Variants in RNF182 observed in about 807,000 individuals in gnomAD.
RNF182 encodes E3 ubiquitin-protein ligase RNF182.
A neutral mutation model predicts 14.4 loss-of-function variants in RNF182; 15 were observed. The ratio of observed to expected loss-of-function variants is 1.04; its 90% CI spans 0.70 to 1.60. The LOEUF (loss-of-function observed/expected upper bound fraction) is 1.60, where lower values mean the gene tolerates loss of function less well. Ranked by LOEUF, RNF182 falls within the 40% of genes most tolerant of loss-of-function variation. RNF182 has a pLI of 0.00. For synonymous variants in RNF182, 128 were observed against 122.9 expected (o/e 1.04, Z -0.27); for missense variants, 268 against 294.8 (o/e 0.91, Z 0.67).
chr6:13,954,614 T>C (rs1432817715), intron 1 of RNF182, among the ~76,000 whole-genome samples: 1 of 152,218 alleles, frequency 6.6e-6, no homozygotes, highest in African/African-American at 2.4e-5. Flanking sequence ...GTGTATTTTA[T>C]GTGTTGCTCA....
chr6:13,940,611 G>C (rs1281117867), intron 1 of RNF182, among the ~76,000 whole-genome samples: 1 of 151,500 alleles, frequency 6.6e-6, no homozygotes, highest in African/African-American at 2.4e-5. Flanking sequence ...ATTCATTTCT[G>C]TTCATAGTTT....
At chr6:13,949,909 A>G (rs946080552) in intron 1 of RNF182, among the ~76,000 whole-genome samples, 1 of 152,234 alleles carries the variant, frequency 6.6e-6, no homozygotes, top group Non-Finnish European at 1.5e-5. Flanking sequence ...AAAACTAAAC[A>G]ATACCCTCTT....
At position 13,925,021 on chromosome 6, in the gene RNF182, C is replaced by G. The variant is rs1758778573; in HGVS notation, c.-369C>G. On this transcript the variant is annotated splice_region_variant and 5_prime_UTR_variant, in exon 1 of 3. Coordinates refer to ENST00000488300, the MANE Select transcript of RNF182 (RefSeq NM_152737.4). ...TCCCGGGCCCTGGGCCGCCGCCGGCCAGGTAAGGCGATCGCGCCCGCGGCC... is the reference window on the plus strand; with the variant it reads ...TCCCGGGCCCTGGGCCGCCGCCGGCGAGGTAAGGCGATCGCGCCCGCGGCC... 1 of 150,346 alleles carries G rather than the reference C, an allele frequency of 6.7e-6. No individual in the cohort carries two copies. The highest frequency in any genetic ancestry group is 2.4e-5 in the African/African-American group (1 of 41,080). The allele number at this position is 150,346 out of a possible 1,614,324, so 9.3% of individuals were successfully genotyped here. A position where few individuals can be genotyped will look rare whatever the true frequency, so the allele number is the denominator to read the frequency against.
chr6:13,977,245 G>C lies in RNF182; in HGVS notation c.126G>C (p.Arg42Ser), dbSNP rs1760352706. 6.2e-7 allele frequency: 1 copy of C among 1,614,026 alleles called. No homozygotes were observed. The highest frequency in any genetic ancestry group is 1.7e-5 in the Admixed American group (1 of 60,002). ...RKPKVLECCH[R>S]VCAKCLYKII... ...CCAAAGTGCTGGAGTGTTGTCATAG[G>C]GTTTGTGCCAAATGCCTCTACAAGA... The change falls in exon 3 of 3, where the codon AGG becomes AGC. Residue 42 changes from arginine to serine, a missense_variant. Arg to Ser is a moderately radical substitution (Grantham distance 110, BLOSUM62 -1). Coordinates refer to ENST00000488300, the MANE Select transcript of RNF182 (RefSeq NM_152737.4).
chr6:13,950,811 T>C (rs933536462), intron 1 of RNF182, among the ~76,000 whole-genome samples: 10 of 151,858 alleles, frequency 6.6e-5, no homozygotes, highest in African/African-American at 2.4e-4. Context: ...CCTTTATTTT[T>C]TTTGAGATAG....
chr6:13,938,004 GTTTTTTTTTT>G (rs70989897), intron 1 of RNF182, among the ~76,000 whole-genome samples: 10 of 79,600 alleles, frequency 1.3e-4, no homozygotes, highest in South Asian at 5.4e-4. Context: ...TTTTCTTACT[GTTTTTTTTTT>G]TTTTTTTTTT....
intron 1 of RNF182, among the ~76,000 whole-genome samples, chr6:13,938,140 C>T (rs1325821804): frequency 1.4e-5 from 2 of 147,580 alleles, no homozygotes; most frequent in African/African-American, 2.5e-5. Context: ...ACTGGGACTA[C>T]AGGCGCCCGC....
intron 1 of RNF182, among the ~76,000 whole-genome samples, chr6:13,970,382 C>T (rs1760145369): frequency 6.6e-6 from 1 of 152,160 alleles, no homozygotes; most frequent in Admixed American, 6.5e-5. Flanking sequence ...TGGCTTATTG[C>T]ACTTAACATA....
intron 1 of RNF182, among the ~76,000 whole-genome samples, chr6:13,929,326 C>G (rs576953178): frequency 1.3e-5 from 2 of 152,184 alleles, no homozygotes; most frequent in Non-Finnish European, 2.9e-5. Context: ...CTTCCCTCTT[C>G]TATAGCTATA....
intron 1 of RNF182, among the ~76,000 whole-genome samples, chr6:13,955,647 A>G (rs892233002): frequency 6.6e-5 from 10 of 152,194 alleles, no homozygotes; most frequent in African/African-American, 1.4e-4. Flanking sequence ...CCCTTGATGC[A>G]TTATGTGCTC....
intron 1 of RNF182, among the ~76,000 whole-genome samples, chr6:13,934,862 A>C (rs1759067510): frequency 6.6e-6 from 1 of 152,232 alleles, no homozygotes; most frequent in Non-Finnish European, 1.5e-5. Flanking sequence ...AGTGACGAGA[A>C]GATTTGATCA....
chr6:13,943,453 A>G (rs566748604), intron 1 of RNF182, among the ~76,000 whole-genome samples: 1 of 152,270 alleles, frequency 6.6e-6, no homozygotes, highest in Non-Finnish European at 1.5e-5. Flanking sequence ...AGATATAAAA[A>G]TGGACTTTCT....
At chr6:13,964,491 G>T (rs1759965860) in intron 1 of RNF182, among the ~76,000 whole-genome samples, 1 of 152,092 alleles carries the variant, frequency 6.6e-6, no homozygotes, top group Admixed American at 6.5e-5. Context: ...AAGGATTCTT[G>T]AAAGATAGCA....
chr6:13,945,296 G>A (rs1029464647), intron 1 of RNF182, among the ~76,000 whole-genome samples: 2 of 152,094 alleles, frequency 1.3e-5, no homozygotes, highest in African/African-American at 4.8e-5. Context: ...CCCACTTTAG[G>A]GATTTACCCT....
chr6:13,930,675 G>C (rs1758945982), intron 1 of RNF182, among the ~76,000 whole-genome samples: 1 of 152,186 alleles, frequency 6.6e-6, no homozygotes, highest in Non-Finnish European at 1.5e-5. Flanking sequence ...GTTCATAAAA[G>C]CAAGTGAGTA....
upstream of RNF182, chr6:13,924,560 C>T (rs1561771487): frequency 6.6e-6 from 1 of 152,320 alleles, no homozygotes; most frequent in Non-Finnish European, 1.5e-5. Flanking sequence ...GGGTACAGCT[C>T]CACAGGAGAA....
intron 1 of RNF182, among the ~76,000 whole-genome samples, chr6:13,947,468 T>G (rs1266112569): frequency 6.6e-6 from 1 of 152,234 alleles, no homozygotes; most frequent in Non-Finnish European, 1.5e-5. Flanking sequence ...CCTGGTTATT[T>G]GTATAAAGTG....
chr6:13,943,311 G>T (rs1376574390), intron 1 of RNF182, among the ~76,000 whole-genome samples: 2 of 150,632 alleles, frequency 1.3e-5, no homozygotes, highest in Non-Finnish European at 2.9e-5. Context: ...TGTAGAAATA[G>T]GGTCTCACCG....
At chr6:13,959,472 T>G (rs1419055714) in intron 1 of RNF182, among the ~76,000 whole-genome samples, 1 of 152,234 alleles carries the variant, frequency 6.6e-6, no homozygotes, top group East Asian at 1.9e-4. Context: ...AAGCTTACTT[T>G]GGTTATTGCA....
Sources: allele counts gnomAD v4.1 joint callset (sites outside exome capture counted in the v4.1 genomes callset), GRCh38; gene constraint gnomAD v4.1.1; transcripts MANE v1.5; gene names NCBI Gene and HGNC (gene_info 2026-07-23, HGNC 2026-07-21).